Variants in INPP4B observed in about 807,000 individuals in gnomAD.
The protein encoded by INPP4B is inositol polyphosphate-4-phosphatase type II B.
INPP4B carries 55 observed loss-of-function variants against 122.5 expected under a neutral mutation model. That is an observed-to-expected ratio of 0.45 (90% CI 0.36 to 0.56). The LOEUF (loss-of-function observed/expected upper bound fraction) is 0.56. Ranked by LOEUF, INPP4B falls within the 20% of genes least tolerant of loss-of-function variation. The pLI is 0.00. For missense variants in INPP4B, 1,000 were observed against 1,097.7 expected, an observed-to-expected ratio of 0.91 and a Z score of 1.26; for synonymous variants, 403 against 388.7, an observed-to-expected ratio of 1.04 and a Z score of -0.43.
At chr4:142,548,592 C>T (rs1476741984) in intron 2 of INPP4B, among the ~76,000 whole-genome samples, 1 of 151,894 alleles carries the variant, frequency 6.6e-6, no homozygotes, top group Non-Finnish European at 1.5e-5. Context: ...TGGTAAACAC[C>T]TCAGTATGAA....
At chr4:142,097,775 C>G (rs1174508128) in intron 23 of INPP4B, among the ~76,000 whole-genome samples, 1 of 152,148 alleles carries the variant, frequency 6.6e-6, no homozygotes. Context: ...CAATTATTAA[C>G]AGAAATAGTG....
rs1177152905 is a variant in INPP4B, at chr4:142,028,857, G to C, written c.2700C>G (p.Phe900Leu). ...LKNIKCRKYA[F>L]NMLQLMAFPK... The stretch of plus-strand genomic sequence containing the variant: ...GGAAAGCCATCAGCTGTAGCATGTT[G>C]AAAGCATACTTTCTGCATTTGATAT... Residue 900 changes from phenylalanine (F) to leucine (L), a missense_variant, in exon 26 of 26, where the codon TTC (phenylalanine) becomes TTG (leucine). Transcript: ENST00000262992. 3.1e-6 allele frequency: 5 copies of C among 1,613,578 alleles called. No homozygotes were observed. Among genetic ancestry groups the C allele is most frequent in the Non-Finnish European group, 8.5e-7 (1 of 1,179,668 alleles).
At chr4:142,155,671 A>G (rs1816794067) in intron 17 of INPP4B, among the ~76,000 whole-genome samples, 1 of 152,106 alleles carries the variant, frequency 6.6e-6, no homozygotes, top group African/African-American at 2.4e-5. Flanking sequence ...TTGCAGCCTC[A>G]GGCATAAATG....
intron 2 of INPP4B, among the ~76,000 whole-genome samples, chr4:142,635,183 C>T (rs2083781): frequency 0.59 from 89,731 of 151,832 alleles, 27,777 homozygotes; most frequent in East Asian, 0.79. Context: ...GTCAGAATGG[C>T]TATTATTAAA....
Position 142,383,963 on chromosome 4 carries a change from A to G in INPP4B, c.372+18975T>C, listed in dbSNP as rs1795078855. ...AACTGTTGTGTCTCATTAAGTTACC[A>G]TCGTGCAGCTGTCAAGAAGCTCATG... is the stretch of plus-strand genomic sequence containing the variant. On this transcript the variant is annotated intron_variant, in intron 7 of 25. Coordinates refer to ENST00000262992, the MANE Select transcript of INPP4B (RefSeq NM_001101669.3). 1.6e-5 allele frequency: 10 copies of G among 632,702 alleles called. No homozygotes were observed. In the South Asian group the frequency reaches 1.9e-4, roughly 12 times the overall value. The allele number at this position is 632,702 out of a possible 1,614,324, so 39.2% of individuals were successfully genotyped here. A position where few individuals can be genotyped will look rare whatever the true frequency, so the allele number is the denominator to read the frequency against.
At chr4:142,734,610 T>C (rs758398054) in intron 1 of INPP4B, among the ~76,000 whole-genome samples, 22 of 152,192 alleles carry the variant, frequency 1.4e-4, no homozygotes, top group Admixed American at 1.4e-3. Flanking sequence ...CATCTGTCTA[T>C]GGCCCTTAAA....
At chr4:142,136,808 C>G (rs1416562521) in intron 18 of INPP4B, among the ~76,000 whole-genome samples, 3 of 152,128 alleles carry the variant, frequency 2.0e-5, no homozygotes, top group East Asian at 1.9e-4. Flanking sequence ...ATCTGAGAAA[C>G]AGTTCATTAA....
At chr4:142,080,144 A>C (rs1036485071) in intron 25 of INPP4B, among the ~76,000 whole-genome samples, 1 of 152,070 alleles carries the variant, frequency 6.6e-6, no homozygotes, top group African/African-American at 2.4e-5. Context: ...ACTTGCCCTA[A>C]GGCACTAAGA....
intron 2 of INPP4B, among the ~76,000 whole-genome samples, chr4:142,490,713 C>T (rs1274287862): frequency 6.6e-6 from 1 of 152,084 alleles, no homozygotes; most frequent in Non-Finnish European, 1.5e-5. Context: ...TGCCTCTACT[C>T]CAGCCTACCA....
chr4:142,089,058 A>G (rs1336231552), intron 23 of INPP4B, among the ~76,000 whole-genome samples: 1 of 152,210 alleles, frequency 6.6e-6, no homozygotes, highest in Non-Finnish European at 1.5e-5. Context: ...GGCACGAGGC[A>G]TGAGCCAGTA....
In INPP4B at chr4:142,683,557, G is replaced by A. The variant is rs187513947; in HGVS notation, c.-191+42282C>T. On this transcript the variant is annotated intron_variant, in intron 2 of 25. Coordinates refer to ENST00000262992, the MANE Select transcript of INPP4B (RefSeq NM_001101669.3). ...GGACTAGTTTCATTCCCAAGAGTTGGTAGTCATTGAGTTGTCTCCCATGAA... is the reference window on the plus strand; with the variant it reads ...GGACTAGTTTCATTCCCAAGAGTTGATAGTCATTGAGTTGTCTCCCATGAA... Among the ~76,000 whole-genome samples, 6 of 151,480 alleles carry A rather than the reference G, an allele frequency of 4.0e-5. No individual in the cohort carries two copies. In the East Asian group the frequency reaches 1.2e-3, roughly 31 times the overall value.
chr4:142,774,502 T>C (rs1463460961), intron 1 of INPP4B, among the ~76,000 whole-genome samples: 1 of 152,104 alleles, frequency 6.6e-6, no homozygotes, highest in African/African-American at 2.4e-5. Context: ...CACTGGAAAC[T>C]AAAGTGAGCA....
chr4:142,444,980 C>CAG (rs1170654847), intron 3 of INPP4B, among the ~76,000 whole-genome samples: 3 of 152,058 alleles, frequency 2.0e-5, no homozygotes, highest in Non-Finnish European at 4.4e-5. Flanking sequence ...CAAACAGACA[C>CAG]AGAGAGGGGA....
At chr4:142,133,049 G>T (rs1802109188) in intron 18 of INPP4B, among the ~76,000 whole-genome samples, 1 of 152,046 alleles carries the variant, frequency 6.6e-6, no homozygotes, top group Non-Finnish European at 1.5e-5. Flanking sequence ...TCTAACCCCG[G>T]CTTTCAGGAT....
chr4:142,802,070 C>T (rs534111600), intron 1 of INPP4B, among the ~76,000 whole-genome samples: 7 of 152,196 alleles, frequency 4.6e-5, no homozygotes, highest in South Asian at 2.1e-4. Flanking sequence ...AGATCACAGA[C>T]GATCTCATCC....
intron 3 of INPP4B, among the ~76,000 whole-genome samples, chr4:142,432,901 C>T (rs556220617): frequency 6.6e-6 from 1 of 152,180 alleles, no homozygotes; most frequent in South Asian, 2.1e-4. Context: ...ATATCTAATT[C>T]TGTTTATCGG....
intron 2 of INPP4B, among the ~76,000 whole-genome samples, chr4:142,514,771 C>T (rs1385612286): frequency 1.3e-5 from 2 of 151,408 alleles, no homozygotes; most frequent in Non-Finnish European, 2.9e-5. Context: ...ACACTGCCAT[C>T]CCCTGCACAC....
intron 3 of INPP4B, among the ~76,000 whole-genome samples, chr4:142,443,791 A>T (rs972659918): frequency 2.0e-5 from 3 of 152,114 alleles, no homozygotes; most frequent in African/African-American, 7.2e-5. Flanking sequence ...CACTCTAAGC[A>T]CAATTTAATA....
chr4:142,523,764 G>A (rs948649966), intron 2 of INPP4B, among the ~76,000 whole-genome samples: 5 of 147,672 alleles, frequency 3.4e-5, no homozygotes, highest in Non-Finnish European at 6.0e-5. Context: ...CCACTAACTC[G>A]TCATCTAGCA....
Sources: allele counts gnomAD v4.1 joint callset (sites outside exome capture counted in the v4.1 genomes callset), GRCh38; gene constraint gnomAD v4.1.1; transcripts MANE v1.5; gene names NCBI Gene and HGNC (gene_info 2026-07-23, HGNC 2026-07-21).